Variants in VPS16 observed in about 807,000 individuals in gnomAD.
VPS16 encodes the protein vacuolar protein sorting-associated protein 16 homolog.
VPS16 carries 82 observed loss-of-function variants against 116.0 expected under a neutral mutation model. The ratio of observed to expected loss-of-function variants is 0.71; its 90% CI spans 0.59 to 0.85. The LOEUF is 0.85. Among genes scored for constraint, VPS16 ranks in the 40% least tolerant of loss-of-function variants. The pLI is 0.00. For synonymous variants in VPS16, 406 were observed against 420.7 expected (o/e 0.96, Z 0.43); for missense variants, 928 against 1,090.6 (o/e 0.85, Z 2.10).
At chr20:2,841,404 A>G (rs113870319) in intron 1 of VPS16, among the ~76,000 whole-genome samples, 15 of 152,338 alleles carry the variant, frequency 9.8e-5, no homozygotes, top group African/African-American at 3.6e-4. Flanking sequence ...AGGAAAAACT[A>G]CGAACTTCTC....
rs1186796943 is a variant in VPS16, at chr20:2,865,320, A to G, written c.2174+3A>G. On this transcript the variant is annotated splice_donor_region_variant and intron_variant, in intron 21 of 23. Coordinates refer to ENST00000380445, the MANE Select transcript of VPS16 (RefSeq NM_022575.4). The surrounding 1 kb of genome is among the most constrained non-coding windows in gnomAD (Gnocchi z 5.2). Reference sequence around the variant, plus strand: ...GACTTCCGCATCCCTGACAAGAGGTAGGTGAGGGCCCAGGCTGCATGTGGG... The same window carrying G: ...GACTTCCGCATCCCTGACAAGAGGTGGGTGAGGGCCCAGGCTGCATGTGGG... 7 of 1,614,194 alleles carry G rather than the reference A, an allele frequency of 4.3e-6. No homozygotes were observed. The highest frequency in any genetic ancestry group is 3.3e-5 in the South Asian group (3 of 91,086).
chr20:2,854,849 C>T (rs2089156762), intron 1 of VPS16, among the ~76,000 whole-genome samples: 1 of 151,690 alleles, frequency 6.6e-6, no homozygotes, highest in South Asian at 2.1e-4. Context: ...TTTCCTTGAT[C>T]CATGAGCTGC....
chr20:2,842,295 A>G (rs575406537), intron 1 of VPS16, among the ~76,000 whole-genome samples: 1 of 152,106 alleles, frequency 6.6e-6, no homozygotes, highest in African/African-American at 2.4e-5. Context: ...CCTGGGCAAC[A>G]TAGCATACTC....
chr20:2,845,893 T>G (rs957823753), intron 1 of VPS16, among the ~76,000 whole-genome samples: 4 of 152,188 alleles, frequency 2.6e-5, no homozygotes, highest in Admixed American at 2.6e-4. Flanking sequence ...CTTATTTCAC[T>G]TAGCATAATA....
rs547198997 is a variant in VPS16 at position 2,864,473 on chromosome 20, T to C, written c.1818+11T>C. On this transcript the variant is annotated intron_variant, in intron 18 of 23. Coordinates refer to ENST00000380445, the MANE Select transcript of VPS16 (RefSeq NM_022575.4). The surrounding 1 kb of genome is among the most constrained non-coding windows in gnomAD (Gnocchi z 5.2). ...AGTTTGTACCGACAGGTGTGTGTAGTGGGCAGGGTTGTGGTGTAGCCTTCT... is the reference window on the plus strand; with the variant it reads ...AGTTTGTACCGACAGGTGTGTGTAGCGGGCAGGGTTGTGGTGTAGCCTTCT... The C allele has an allele frequency of 2.7e-5, 43 of 1,614,102 alleles. 1 individual carries two copies. In the South Asian group the frequency reaches 4.3e-4, roughly 16 times the overall value.
At chr20:2,861,474 A>G in intron 8 of VPS16, 141 bp from the exon 9 acceptor site, 2 of 1,335,334 alleles carry the variant, frequency 1.5e-6, no homozygotes, top group Non-Finnish European at 2.1e-6. Flanking sequence ...GAGCTCAGGG[A>G]TAAGAGGGAA....
chr20:2,863,068 T>C lies in VPS16; in HGVS notation c.1335T>C (p.Tyr445=), dbSNP rs374769660. ...TCCTTAACCGAGGAAAATACAGATA[T>C]AAGCAGCTCACCATCCAGGTGCTGC... The part of the protein sequence containing the change: ...HIGIPLTYSQ[Y]KQLTIQVLLD... Residue 445 remains tyrosine (Y), a synonymous_variant, in exon 14 of 24, where the codon TAT becomes TAC. Coordinates refer to ENST00000380445, the MANE Select transcript of VPS16 (RefSeq NM_022575.4). The surrounding 1 kb of genome is among the most constrained non-coding windows in gnomAD (Gnocchi z 4.4). 4.3e-6 allele frequency: 7 copies of C among 1,613,908 alleles called. No homozygotes were observed. The highest frequency in any genetic ancestry group is 5.9e-6 in the Non-Finnish European group (7 of 1,180,034).
intron 1 of VPS16, among the ~76,000 whole-genome samples, chr20:2,858,585 C>G (rs1411731463): frequency 6.6e-6 from 1 of 151,976 alleles, no homozygotes; most frequent in African/African-American, 2.4e-5. Context: ...GAGAAGGTCC[C>G]TGAAATGATA....
rs11905661 is a variant in VPS16 at position 2,857,713 on chromosome 20, A to T, written c.54-2006A>T. ...TTATTTTAATTTTATTTATTTGTTT[A>T]TTTATTTATTTGTTGAGATAGAGTT... On this transcript the variant is annotated intron_variant, in intron 1 of 23. Transcript: ENST00000380445. Among the ~76,000 whole-genome samples the T allele has an allele frequency of 5.0e-3, 743 of 148,454 alleles. 7 individuals are homozygous for T. Among genetic ancestry groups the T allele is most frequent in the African/African-American group, 0.018 (714 of 39,770 alleles).
In VPS16 at chr20:2,861,034, G is replaced by A. The variant is rs756043022; in HGVS notation, c.695G>A (p.Arg232Gln). The A allele has an allele frequency of 5.6e-6, 9 of 1,614,038 alleles. No individual in the cohort carries two copies. Among genetic ancestry groups the A allele is most frequent in the Admixed American group, 3.3e-5 (2 of 60,006 alleles). The part of the protein sequence containing the change: ...FLQMAVSFTY[R>Q]HLALFTDTGY... The stretch of plus-strand genomic sequence containing the variant: ...CAGATGGCTGTCTCCTTCACCTACC[G>A]ACACCTGGCACTCTTCACAGACACA... The change falls in exon 7 of 24, where the codon CGA becomes CAA. Residue 232 changes from arginine to glutamine, a missense_variant. Physicochemically the swap from Arg to Gln is conservative, Grantham distance 43. Transcript: ENST00000380445.
chr20:2,861,907 C>T lies in VPS16; in HGVS notation c.994+8C>T. ...TCCTGCATGAGGTTCCAGGTGAGGC[C>T]TTCACAAGGGCACCACATAACCCAA... is the stretch of plus-strand genomic sequence containing the variant. On this transcript the variant is annotated splice_region_variant and intron_variant, in intron 10 of 23. Coordinates refer to ENST00000380445, the MANE Select transcript of VPS16 (RefSeq NM_022575.4). 1 of 1,612,958 alleles carries T rather than the reference C, an allele frequency of 6.2e-7. No homozygotes were observed. The highest frequency in any genetic ancestry group is 8.5e-7 in the Non-Finnish European group (1 of 1,179,596).
At position 2,842,829 on chromosome 20, in the gene VPS16, T is replaced by TAGATGTATCTATCGATAG. The variant is rs2089009466; in HGVS notation, c.53+2003_53+2004insGATGTATCTATCGATAGA. On this transcript the variant is annotated intron_variant, in intron 1 of 23. Transcript: ENST00000380445. ...AGATGTATCTATCTATAGATAGACATATAGATGTATCTATCGATAGATAGA... is the reference window on the plus strand; with the variant it reads ...AGATGTATCTATCTATAGATAGACATAGATGTATCTATCGATAGATAGATGTATCTATCGATAGATAGA... 3.5e-3 allele frequency among the ~76,000 whole-genome samples: 12 copies of TAGATGTATCTATCGATAG among 3,392 alleles called. No individual in the cohort carries two copies. The East Asian group carries it at 0.056, about 16-fold the overall frequency. 2.2% of individuals were successfully genotyped at this position (3,392 alleles called of 152,430 possible). A position where few individuals can be genotyped will look rare whatever the true frequency, so the allele number is the denominator to read the frequency against.
intron 1 of VPS16, 85 bp from the exon 2 acceptor site, chr20:2,859,634 T>A: frequency 6.9e-7 from 1 of 1,442,744 alleles, no homozygotes; most frequent in Non-Finnish European, 9.7e-7. Flanking sequence ...GGAAGACAAA[T>A]GGAGGCTTTA....
chr20:2,853,126 C>T (rs561815571), intron 1 of VPS16, among the ~76,000 whole-genome samples: 12 of 152,308 alleles, frequency 7.9e-5, no homozygotes, highest in African/African-American at 2.6e-4. Flanking sequence ...CATGGTGGCT[C>T]ACACTTGTAG....
At position 2,862,389 on chromosome 20, in the gene VPS16, C is replaced by A. The variant is rs903212118; in HGVS notation, c.1072-190C>A. 4.0e-6 allele frequency: 5 copies of A among 1,257,940 alleles called. No individual in the cohort carries two copies. The African/African-American group carries it at 4.5e-5, about 11-fold the overall frequency. 77.9% of individuals were successfully genotyped at this position (1,257,940 alleles called of 1,614,324 possible). A position where few individuals can be genotyped will look rare whatever the true frequency, so the allele number is the denominator to read the frequency against. Reference sequence around the variant, plus strand: ...GGAGTTCTCAAGGCCCCCCTAAAGGCAGCTGTGGGCTGATACGAGATGATG... The same window carrying A: ...GGAGTTCTCAAGGCCCCCCTAAAGGAAGCTGTGGGCTGATACGAGATGATG... On this transcript the variant is annotated intron_variant, in intron 11 of 23. Transcript: ENST00000380445.
intron 1 of VPS16, among the ~76,000 whole-genome samples, chr20:2,847,236 C>T (rs1168267097): frequency 1.3e-5 from 2 of 152,130 alleles, no homozygotes; most frequent in African/African-American, 4.8e-5. Context: ...TGGTCTTTGT[C>T]GCTGCAGACA....
chr20:2,866,235 A>G lies in VPS16; in HGVS notation c.2295A>G (p.Lys765=). The G allele has an allele frequency of 6.2e-7, 1 of 1,613,918 alleles. No individual in the cohort carries two copies. The highest frequency in any genetic ancestry group is 8.5e-7 in the Non-Finnish European group (1 of 1,179,992). The part of the protein sequence containing the change: ...GYLPFVEICM[K]QHNKYEAKKY... Reference sequence around the variant, plus strand: ...AGCCTTTTGTGGAGATCTGCATGAAACAACATAACAAATACGAAGCCAAGA... The same window carrying G: ...AGCCTTTTGTGGAGATCTGCATGAAGCAACATAACAAATACGAAGCCAAGA... Residue 765 remains lysine, a synonymous_variant, in exon 23 of 24, where the codon AAA becomes AAG. Coordinates refer to ENST00000380445, the MANE Select transcript of VPS16 (RefSeq NM_022575.4).
rs181838045 is a variant in VPS16 at position 2,865,128 on chromosome 20, C to T, written c.2005-20C>T. The T allele has an allele frequency of 6.9e-4, 1,112 of 1,614,140 alleles. 2 individuals carry two copies. Among genetic ancestry groups the T allele is most frequent in the Admixed American group, 9.3e-4 (56 of 60,020 alleles). On this transcript the variant is annotated intron_variant, in intron 20 of 23. Transcript: ENST00000380445. This position sits in a 1 kb window ranked among gnomAD's most constrained non-coding sequence, Gnocchi z 5.2. ...TCCTGGTCCCTCATCCCCATCATGC[C>T]TCATTATCCGGGTCCCCAGGCTACA...
chr20:2,862,391 G>C, intron 11 of VPS16, 188 bp from the exon 12 acceptor site: 1 of 1,271,172 alleles, frequency 7.9e-7, no homozygotes, highest in Non-Finnish European at 1.1e-6. Flanking sequence ...CCTAAAGGCA[G>C]CTGTGGGCTG....
Sources: gnomAD v4.1 joint callset for allele counts (sites outside exome capture counted in the v4.1 genomes callset) on GRCh38, gnomAD v4.1.1 for gene constraint, Gnocchi (gnomAD v3.1) non-coding constraint, MANE v1.5 for transcripts, NCBI Gene and HGNC (gene_info 2026-07-23, HGNC 2026-07-21) for gene names.